Variants in ANKRD27 observed in about 807,000 individuals in gnomAD.
The protein encoded by ANKRD27 is ankyrin repeat domain-containing protein 27.
Under a neutral mutation model 129.7 loss-of-function variants are expected in ANKRD27, and 112 were observed. That is an observed-to-expected ratio of 0.86 (90% confidence interval 0.74 to 1.01). The LOEUF (loss-of-function observed/expected upper bound fraction) is 1.01. Among genes scored for constraint, ANKRD27 ranks in the 50% least tolerant of loss-of-function variants. The pLI, the probability that ANKRD27 is intolerant of heterozygous loss-of-function variation, is 0.00. For missense variants in ANKRD27, 1,258 were observed against 1,300.5 expected (o/e 0.97, Z 0.50); for synonymous variants, 516 against 511.2 (o/e 1.01, Z -0.13).
intron 17 of ANKRD27, 144 bp from the exon 18 acceptor site, chr19:32,622,763 T>A: frequency 1.5e-6 from 1 of 679,150 alleles, no homozygotes; most frequent in South Asian, 1.9e-5. Flanking sequence ...GGACACCTCA[T>A]TCTCATTCAT....
intron 18 of ANKRD27, among the ~76,000 whole-genome samples, chr19:32,619,827 C>A (rs1599743722): frequency 6.6e-6 from 1 of 152,128 alleles, no homozygotes; most frequent in South Asian, 2.1e-4. Context: ...CACGCATGGA[C>A]GCAAGGGATA....
chr19:32,598,134 C>T lies in ANKRD27; in HGVS notation c.*11G>A, dbSNP rs762543173. On this transcript the variant is annotated 3_prime_UTR_variant, in exon 29 of 29. Coordinates refer to ENST00000306065, the MANE Select transcript of ANKRD27 (RefSeq NM_032139.3). ...CTTCCTAGCAGTGGGTTCAACAACT[C>T]CTCATTCCTGTTAGGACCGGGAAGC... 1 of 1,612,928 alleles carries T rather than the reference C, an allele frequency of 6.2e-7. No homozygotes were observed. The highest frequency in any genetic ancestry group is 1.7e-4 in the Middle Eastern group (1 of 6,060).
chr19:32,670,440 G>A (rs189044773), intron 1 of ANKRD27, among the ~76,000 whole-genome samples: 12 of 151,376 alleles, frequency 7.9e-5, no homozygotes, highest in South Asian at 2.1e-4. Context: ...TTGGGAGGCC[G>A]AGGCGGGCGG....
intron 3 of ANKRD27, among the ~76,000 whole-genome samples, chr19:32,648,636 T>C (rs1272019923): frequency 6.6e-6 from 1 of 151,840 alleles, no homozygotes; most frequent in Admixed American, 6.6e-5. Flanking sequence ...TCGTCTCTAC[T>C]AAAAATACAA....
At chr19:32,639,280 A>C in intron 12 of ANKRD27, 76 bp downstream of exon 12, 1 of 1,576,888 alleles carries the variant, frequency 6.3e-7, no homozygotes, top group Non-Finnish European at 8.7e-7. Context: ...CCGTCTGCCC[A>C]CATACCAACC....
intron 12 of ANKRD27, chr19:32,639,150 A>G (rs1423322453): frequency 3.4e-6 from 2 of 596,490 alleles, no homozygotes; most frequent in African/African-American, 3.7e-5. Flanking sequence ...GTAAATCCCA[A>G]TGATAACCCA....
At chr19:32,630,272 G>T (rs916385900) in intron 13 of ANKRD27, among the ~76,000 whole-genome samples, 3 of 152,290 alleles carry the variant, frequency 2.0e-5, no homozygotes, top group African/African-American at 7.2e-5. Context: ...GCTCCAGGTC[G>T]CCTGGAAGCA....
chr19:32,673,366 GC>G, intron 1 of ANKRD27: 2 of 985,286 alleles, frequency 2.0e-6, no homozygotes, highest in South Asian at 4.7e-5. Flanking sequence ...TCCTGGATCT[GC>G]CCCCTGGATT....
At chr19:32,661,608 G>T (rs1967647524) in intron 1 of ANKRD27, among the ~76,000 whole-genome samples, 1 of 152,050 alleles carries the variant, frequency 6.6e-6, no homozygotes, top group Non-Finnish European at 1.5e-5. Flanking sequence ...CTCCCAAAAC[G>T]CTGGGATTAC....
In ANKRD27 at chr19:32,622,653, G is replaced by A. The variant is rs533155993; in HGVS notation, c.1630-34C>T. ...AGATGGGGAAATGGCATCGCTCATG[G>A]ATGTACCAAGCCTCGACAAGGTCCG... On this transcript the variant is annotated intron_variant, in intron 17 of 28. Coordinates refer to ENST00000306065, the MANE Select transcript of ANKRD27 (RefSeq NM_032139.3). 10 of 1,607,992 alleles carry A rather than the reference G, an allele frequency of 6.2e-6. No homozygotes were observed. The South Asian group carries it at 7.7e-5, about 12-fold the overall frequency.
chr19:32,630,072 CTTG>C (rs970563274), intron 13 of ANKRD27, among the ~76,000 whole-genome samples: 94 of 151,980 alleles, frequency 6.2e-4, no homozygotes, highest in African/African-American at 2.2e-3. Context: ...CCAGCTTCAT[CTTG>C]TTATTTTTTT....
chr19:32,640,749 T>C (rs1181453668), intron 10 of ANKRD27, among the ~76,000 whole-genome samples: 1 of 151,950 alleles, frequency 6.6e-6, no homozygotes, highest in Non-Finnish European at 1.5e-5. Context: ...CAAAAAAATA[T>C]GAAAATTAGC....
intron 21 of ANKRD27, among the ~76,000 whole-genome samples, chr19:32,616,597 A>C (rs917433014): frequency 4.6e-4 from 69 of 151,154 alleles, no homozygotes; most frequent in Admixed American, 5.3e-4. Context: ...TCAAAGGGCC[A>C]AAGGCAAGCC....
intron 14 of ANKRD27, among the ~76,000 whole-genome samples, 180 bp downstream of exon 14, chr19:32,628,542 A>G (rs1170308042): frequency 6.6e-6 from 1 of 152,100 alleles, no homozygotes; most frequent in Non-Finnish European, 1.5e-5. Context: ...TGCTTTGACA[A>G]CCTCTAACCT....
chr19:32,668,518 A>T (rs1967804336), intron 1 of ANKRD27, among the ~76,000 whole-genome samples: 1 of 145,032 alleles, frequency 6.9e-6, no homozygotes, highest in Non-Finnish European at 1.5e-5. Flanking sequence ...TATCACTCAC[A>T]CTGGAGTACA....
intron 1 of ANKRD27, among the ~76,000 whole-genome samples, chr19:32,660,738 GA>G (rs35498941): frequency 0.49 from 74,203 of 151,862 alleles, 20,999 homozygotes; most frequent in Non-Finnish European, 0.65. Context: ...GATAGTCTAT[GA>G]GTATAAAGCC....
chr19:32,599,311 G>A (rs1029275838), intron 28 of ANKRD27, among the ~76,000 whole-genome samples: 6 of 141,234 alleles, frequency 4.2e-5, no homozygotes, highest in African/African-American at 1.5e-4. Context: ...GTAGTGGGAA[G>A]ATGGCCACAT....
intron 17 of ANKRD27, 90 bp downstream of exon 17, chr19:32,625,784 C>T (rs1469533436): frequency 2.4e-5 from 27 of 1,125,078 alleles, no homozygotes; most frequent in Middle Eastern, 2.1e-4. Flanking sequence ...CAATAATTAT[C>T]GACACAAAAT....
At chr19:32,648,952 A>G (rs1201723482) in intron 3 of ANKRD27, among the ~76,000 whole-genome samples, 1 of 143,674 alleles carries the variant, frequency 7.0e-6, no homozygotes, top group Non-Finnish European at 1.5e-5. Flanking sequence ...AAACAAAAAG[A>G]TTGTTTTTTG....
Sources: gnomAD v4.1 joint callset for allele counts (sites outside exome capture counted in the v4.1 genomes callset) on GRCh38, gnomAD v4.1.1 for gene constraint, MANE v1.5 for transcripts, NCBI Gene and HGNC (gene_info 2026-07-23, HGNC 2026-07-21) for gene names.